The following COL5A2 variants were observed in gnomAD, a reference collection of about 807,000 sequenced individuals.
The protein encoded by COL5A2 is collagen type V alpha 2 chain.
A neutral mutation model predicts 208.2 loss-of-function variants in COL5A2; 23 were observed. The observed-to-expected ratio is 0.11, with a 90% CI of 0.08 to 0.16. COL5A2 has a LOEUF of 0.16. COL5A2 is among the 10% of genes least tolerant of loss of function. COL5A2 has a pLI of 1.00. For missense variants in COL5A2, 1,590 were observed against 1,956.4 expected, an observed-to-expected ratio of 0.81 and a Z score of 3.53; for synonymous variants, 625 against 628.5, an observed-to-expected ratio of 0.99 and a Z score of 0.08.
the COL5A2 span, among the ~76,000 whole-genome samples, chr2:189,260,859 G>A: frequency 2.1e-4 from 32 of 152,258 alleles, no homozygotes; most frequent in African/African-American, 7.7e-4. Flanking sequence ...CTGATGGACA[G>A]ACACTATTAT....
intron 1 of COL5A2, among the ~76,000 whole-genome samples, chr2:189,127,234 A>G (rs1687624573): frequency 6.6e-6 from 1 of 152,114 alleles, no homozygotes; most frequent in African/African-American, 2.4e-5. Flanking sequence ...TTAAAAAGGG[A>G]CAGGGTTGGA....
the COL5A2 span, among the ~76,000 whole-genome samples, chr2:189,271,699 A>T: frequency 6.6e-6 from 1 of 152,202 alleles, no homozygotes; most frequent in Non-Finnish European, 1.5e-5. Flanking sequence ...TAACAAAAGA[A>T]ACTATCAACA....
chr2:189,074,529 T>C (rs896144930), intron 17 of COL5A2, among the ~76,000 whole-genome samples: 6 of 152,180 alleles, frequency 3.9e-5, no homozygotes, highest in African/African-American at 7.2e-5. Context: ...TTATTGCCTG[T>C]ATGTTAAAAA....
chr2:189,165,488 T>C (rs1465748560), intron 1 of COL5A2, among the ~76,000 whole-genome samples: 1 of 152,176 alleles, frequency 6.6e-6, no homozygotes, highest in Non-Finnish European at 1.5e-5. Context: ...TGATAAAAAT[T>C]GTTTTAGTTA....
intron 1 of COL5A2, among the ~76,000 whole-genome samples, chr2:189,138,703 G>A (rs754459607): frequency 7.2e-5 from 11 of 151,900 alleles, no homozygotes; most frequent in East Asian, 1.9e-4. Flanking sequence ...TATAGTAACC[G>A]AAAGTAAAAA....
chr2:189,380,823 T>C, the COL5A2 span, among the ~76,000 whole-genome samples: 17 of 152,078 alleles, frequency 1.1e-4, no homozygotes, highest in Non-Finnish European at 2.5e-4. Context: ...TCCAAGTATT[T>C]TACAACATTT....
chr2:189,395,737 C>T, the COL5A2 span, among the ~76,000 whole-genome samples: 1 of 150,610 alleles, frequency 6.6e-6, no homozygotes, highest in Non-Finnish European at 1.5e-5. Flanking sequence ...AACCCCGTCT[C>T]TATTAAAAAT....
At chr2:189,346,585 T>C in the COL5A2 span, among the ~76,000 whole-genome samples, 7 of 152,178 alleles carry the variant, frequency 4.6e-5, no homozygotes, top group East Asian at 1.2e-3. Flanking sequence ...ATTTTTAACA[T>C]TACATATAAT....
At chr2:189,075,761 T>C (rs1264187495) in intron 16 of COL5A2, among the ~76,000 whole-genome samples, 1 of 152,150 alleles carries the variant, frequency 6.6e-6, no homozygotes, top group Admixed American at 6.6e-5. Flanking sequence ...ACCTCAGTAT[T>C]CTTAATAGCC....
At chr2:189,424,433 A>C in the COL5A2 span, among the ~76,000 whole-genome samples, 1 of 152,166 alleles carries the variant, frequency 6.6e-6, no homozygotes, top group Non-Finnish European at 1.5e-5. Flanking sequence ...TTTAAAAACT[A>C]AAAAATCTTC....
intron 21 of COL5A2, among the ~76,000 whole-genome samples, chr2:189,067,144 G>A (rs988397311): frequency 6.6e-6 from 1 of 152,100 alleles, no homozygotes; most frequent in Non-Finnish European, 1.5e-5. Context: ...CATTTAGGCT[G>A]TATTTTAGGA....
At chr2:189,141,009 G>A (rs1687924024) in intron 1 of COL5A2, among the ~76,000 whole-genome samples, 1 of 152,056 alleles carries the variant, frequency 6.6e-6, no homozygotes, top group South Asian at 2.1e-4. Flanking sequence ...ATACTTCAAT[G>A]ATAAAATCAG....
chr2:189,410,053 G>A, the COL5A2 span, among the ~76,000 whole-genome samples: 1 of 152,126 alleles, frequency 6.6e-6, no homozygotes, highest in African/African-American at 2.4e-5. Flanking sequence ...ATCAGAAGTA[G>A]AGGAATTTAA....
intron 3 of COL5A2, among the ~76,000 whole-genome samples, chr2:189,100,928 A>G (rs926052764): frequency 1.3e-5 from 2 of 152,028 alleles, no homozygotes; most frequent in Admixed American, 6.6e-5. Context: ...TATCAGGTAC[A>G]TAGATTAAAT....
Position 189,064,993 on chromosome 2 carries a change from G to A in COL5A2, c.1617+11C>T. 2 of 1,613,374 alleles carry A rather than the reference G, an allele frequency of 1.2e-6. No individual in the cohort carries two copies. The highest frequency in any genetic ancestry group is 1.7e-5 in the Admixed American group (1 of 59,910). ...CCCACGTAAGTATCAACATTGACAG[G>A]GCAACCTCACCTTTGGCCCAGGTAA... On this transcript the variant is annotated intron_variant, in intron 24 of 53. Coordinates refer to ENST00000374866, the MANE Select transcript of COL5A2 (RefSeq NM_000393.5).
the COL5A2 span, among the ~76,000 whole-genome samples, chr2:189,280,946 G>C: frequency 1.6e-3 from 238 of 151,442 alleles, no homozygotes; most frequent in African/African-American, 5.3e-3. Flanking sequence ...CAGTGCAAAA[G>C]TTATTGTAGT....
At chr2:189,234,760 ATTG>A in the COL5A2 span, among the ~76,000 whole-genome samples, 1 of 151,688 alleles carries the variant, frequency 6.6e-6, no homozygotes, top group Non-Finnish European at 1.5e-5. Context: ...CCTAAATCTC[ATTG>A]TTCTTATCTG....
chr2:189,041,680 G>T lies in COL5A2; in HGVS notation c.3539C>A (p.Pro1180Gln). Residue 1180 changes from proline to glutamine, a missense_variant, in exon 50 of 54, where the codon CCA (proline) becomes CAA (glutamine). Transcript: ENST00000374866. ...TCCTTCTTTACCTGAAGGACCAACT[G>T]GGCCTGGAGGACCCTGCAAGAAACA... ...GPFGPRGPPG[P>Q]VGPSGKEGNP... is the part of the protein sequence containing the mutation. 1 of 1,613,710 alleles carries T rather than the reference G, an allele frequency of 6.2e-7. No individual in the cohort carries two copies. Among genetic ancestry groups the T allele is most frequent in the Non-Finnish European group, 8.5e-7 (1 of 1,179,616 alleles).
the COL5A2 span, among the ~76,000 whole-genome samples, chr2:189,384,567 C>A: frequency 6.6e-6 from 1 of 152,004 alleles, no homozygotes; most frequent in Non-Finnish European, 1.5e-5. Context: ...GATAGGCCTA[C>A]GCAGATCTTT....
Sources: gnomAD v4.1 joint callset for allele counts (sites outside exome capture counted in the v4.1 genomes callset) on GRCh38, gnomAD v4.1.1 for gene constraint, MANE v1.5 for transcripts, NCBI Gene and HGNC (gene_info 2026-07-23, HGNC 2026-07-21) for gene names.